The following GCNT2 variants were observed in gnomAD, a reference collection of about 807,000 sequenced individuals.
The protein encoded by GCNT2 is glucosaminyl (N-acetyl) transferase 2 (I blood group).
In GCNT2, 34 loss-of-function variants were observed where a neutral mutation model predicts 34.2. The ratio of observed to expected loss-of-function variants is 1.00; its 90% CI spans 0.76 to 1.32. The LOEUF (loss-of-function observed/expected upper bound fraction) is 1.32, where lower values mean the gene tolerates loss of function less well. GCNT2 is among the 40% of genes most tolerant of loss of function. The pLI, the probability that GCNT2 is intolerant of heterozygous loss-of-function variation, is 0.00. For synonymous variants in GCNT2, 212 were observed against 188.0 expected, an observed-to-expected ratio of 1.13 and a Z score of -1.04; for missense variants, 584 against 489.4, an observed-to-expected ratio of 1.19 and a Z score of -1.82.
chr6:10,583,017 C>A (rs1179636881), intron 3 of GCNT2, among the ~76,000 whole-genome samples: 1 of 152,084 alleles, frequency 6.6e-6, no homozygotes, highest in African/African-American at 2.4e-5. Context: ...GGGATTTAGC[C>A]AAACAGACTG....
intron 3 of GCNT2, among the ~76,000 whole-genome samples, chr6:10,615,697 CCACTCCATAGACAGAG>C (rs140055899): frequency 0.13 from 19,475 of 151,920 alleles, 2,013 homozygotes; most frequent in African/African-American, 0.28. Flanking sequence ...AAAAGAATGG[CCACTCCATAGACAGAG>C]CAACCCCGAG....
intron 1 of GCNT2, among the ~76,000 whole-genome samples, chr6:10,523,539 C>G (rs1353496324): frequency 6.6e-6 from 1 of 152,070 alleles, no homozygotes; most frequent in East Asian, 1.9e-4. Context: ...CCCTCGTAGC[C>G]TCTTCTTCCC....
At chr6:10,539,791 A>C (rs1185213198) in intron 3 of GCNT2, among the ~76,000 whole-genome samples, 2 of 152,244 alleles carry the variant, frequency 1.3e-5, no homozygotes, top group Non-Finnish European at 2.9e-5. Flanking sequence ...TTGGTTAGAA[A>C]TCAGGTATGT....
At chr6:10,561,092 ATGAT>A (rs549460963) in intron 3 of GCNT2, among the ~76,000 whole-genome samples, 6 of 152,342 alleles carry the variant, frequency 3.9e-5, no homozygotes, top group Admixed American at 2.0e-4. Flanking sequence ...GAGCTTTGTA[ATGAT>A]TGCTCTAAGT....
intron 3 of GCNT2, among the ~76,000 whole-genome samples, chr6:10,554,580 A>G (rs1271266976): frequency 2.6e-5 from 4 of 152,266 alleles, no homozygotes; most frequent in African/African-American, 9.6e-5. Flanking sequence ...ATTCTAAGCC[A>G]CAAATCTTTG....
At position 10,527,091 on chromosome 6, in the gene GCNT2, G is replaced by T. The variant is rs373459342; in HGVS notation, c.-468-383G>T. The stretch of plus-strand genomic sequence containing the variant: ...GTATTACCTGGAATTTCTCACTAAT[G>T]TGATCAGGGAAGCAGGGAAATGAAA... On this transcript the variant is annotated intron_variant, in intron 1 of 4. Coordinates refer to ENST00000495262, the MANE Select transcript of GCNT2 (RefSeq NM_145649.5). 2.0e-4 allele frequency among the ~76,000 whole-genome samples: 31 copies of T among 152,300 alleles called. 1 individual carries two copies. In the East Asian group the frequency reaches 3.5e-3, roughly 17 times the overall value.
intron 3 of GCNT2, among the ~76,000 whole-genome samples, chr6:10,538,614 GA>G (rs1266637985): frequency 6.6e-6 from 1 of 151,594 alleles, no homozygotes; most frequent in Non-Finnish European, 1.5e-5. Flanking sequence ...CAGCACAACT[GA>G]GGACTGCTAA....
chr6:10,615,148 A>G (rs142521011), intron 3 of GCNT2, among the ~76,000 whole-genome samples: 1 of 152,298 alleles, frequency 6.6e-6, no homozygotes, highest in Non-Finnish European at 1.5e-5. Flanking sequence ...AGAGAGGTCA[A>G]GGAGGGGAGG....
intron 3 of GCNT2, among the ~76,000 whole-genome samples, chr6:10,598,192 G>A (rs975801911): frequency 1.3e-5 from 2 of 152,182 alleles, no homozygotes; most frequent in African/African-American, 4.8e-5. Context: ...GCAGACTTAG[G>A]TTTTGTTTCC....
chr6:10,551,999 T>TCTTGG lies in GCNT2; in HGVS notation c.925+22164_925+22165insTTGGC, dbSNP rs1762505652. 4.6e-5 allele frequency among the ~76,000 whole-genome samples: 7 copies of TCTTGG among 152,232 alleles called. No individual in the cohort carries two copies. In the South Asian group the frequency reaches 8.3e-4, roughly 18 times the overall value. On this transcript the variant is annotated intron_variant, in intron 3 of 4. Coordinates refer to ENST00000495262, the MANE Select transcript of GCNT2 (RefSeq NM_145649.5). ...GTCTCAAACTCCTGACCTCAGGTGA[T>TCTTGG]CCACCCATCTTGGCCTCCCAAAGTG... is the stretch of plus-strand genomic sequence containing the variant.
At chr6:10,599,920 C>CA (rs1389107656) in intron 3 of GCNT2, among the ~76,000 whole-genome samples, 1 of 152,136 alleles carries the variant, frequency 6.6e-6, no homozygotes, top group African/African-American at 2.4e-5. Context: ...AGCAGAAACT[C>CA]AGGCTCCTTC....
chr6:10,577,650 C>G (rs1237379891), intron 3 of GCNT2, among the ~76,000 whole-genome samples: 1 of 152,130 alleles, frequency 6.6e-6, no homozygotes, highest in African/African-American at 2.4e-5. Flanking sequence ...AAGTGATTCT[C>G]CTACCACAGC....
chr6:10,549,825 T>C lies in GCNT2; in HGVS notation c.925+19989T>C, dbSNP rs929147372. Among the ~76,000 whole-genome samples the C allele has an allele frequency of 3.3e-5, 5 of 152,166 alleles. No individual in the cohort carries two copies. In the East Asian group the frequency reaches 7.7e-4, roughly 23 times the overall value. On this transcript the variant is annotated intron_variant, in intron 3 of 4. Coordinates refer to ENST00000495262, the MANE Select transcript of GCNT2 (RefSeq NM_145649.5). Reference sequence around the variant, plus strand: ...TCTGTATTTTGTATAATATGGATTGTGCCCAGATGTGGTTGCTGTGTATCG... The same window carrying C: ...TCTGTATTTTGTATAATATGGATTGCGCCCAGATGTGGTTGCTGTGTATCG...
chr6:10,538,969 G>GA (rs1160662119), intron 3 of GCNT2, among the ~76,000 whole-genome samples: 1 of 151,912 alleles, frequency 6.6e-6, no homozygotes, highest in Non-Finnish European at 1.5e-5. Flanking sequence ...TGATGAGAAA[G>GA]AAAAAAATAA....
chr6:10,533,152 A>C (rs1761579752), intron 3 of GCNT2, among the ~76,000 whole-genome samples: 1 of 151,614 alleles, frequency 6.6e-6, no homozygotes, highest in East Asian at 2.0e-4. Flanking sequence ...CTAAAAATAC[A>C]AAAATTAGCC....
At chr6:10,609,158 C>T (rs908639590) in intron 3 of GCNT2, among the ~76,000 whole-genome samples, 1 of 152,160 alleles carries the variant, frequency 6.6e-6, no homozygotes, top group African/African-American at 2.4e-5. Context: ...AGTTTATTTT[C>T]TGCTGTGTAA....
chr6:10,572,083 A>C (rs996988428), intron 3 of GCNT2, among the ~76,000 whole-genome samples: 1 of 150,898 alleles, frequency 6.6e-6, no homozygotes, highest in Non-Finnish European at 1.5e-5. Flanking sequence ...TAGTACTGAA[A>C]TCCCGTGTTC....
At position 10,551,720 on chromosome 6, in the gene GCNT2, G is replaced by A. The variant is rs1475488324; in HGVS notation, c.925+21884G>A. 2.6e-5 allele frequency among the ~76,000 whole-genome samples: 4 copies of A among 151,366 alleles called. No homozygotes were observed. In the South Asian group the frequency reaches 6.3e-4, roughly 24 times the overall value. ...GGCCTCCCAAAGTGCTGGGATTACG[G>A]GCATGAGCCACTGCGCCTGGCTATT... On this transcript the variant is annotated intron_variant, in intron 3 of 4. Coordinates refer to ENST00000495262, the MANE Select transcript of GCNT2 (RefSeq NM_145649.5).
chr6:10,585,366 GTGTC>G (rs1156968183), intron 3 of GCNT2, among the ~76,000 whole-genome samples: 4 of 151,972 alleles, frequency 2.6e-5, no homozygotes, highest in African/African-American at 9.7e-5. Flanking sequence ...TTCATTATCT[GTGTC>G]TGTATGTGCC....
Sources: allele counts gnomAD v4.1 joint callset (sites outside exome capture counted in the v4.1 genomes callset), GRCh38; gene constraint gnomAD v4.1.1; transcripts MANE v1.5; gene names NCBI Gene and HGNC (gene_info 2026-07-23, HGNC 2026-07-21).